Variants in DMD observed in about 807,000 individuals in gnomAD.
DMD encodes the protein mutant dystrophin.
A neutral mutation model predicts 330.1 loss-of-function variants in DMD; 63 were observed. That is an observed-to-expected ratio of 0.19 (90% confidence interval 0.16 to 0.24). DMD has a LOEUF of 0.24. Among genes scored for constraint, DMD ranks in the 10% least tolerant of loss-of-function variants. The probability of loss-of-function intolerance (pLI) is 1.00; values close to 1 mark genes in which losing one functional copy is unlikely to be tolerated. For synonymous variants in DMD, 1,223 were observed against 959.8 expected (o/e 1.27, Z -5.07); for missense variants, 3,344 against 2,684.1 (o/e 1.25, Z -5.43).
At chrX:32,236,976 TTTA>T (rs2097190161) in intron 43 of DMD, among the ~76,000 whole-genome samples, 1 of 111,949 alleles carries the variant, frequency 8.9e-6, no homozygotes, top group Non-Finnish European at 1.9e-5. Flanking sequence ...ACATAAATCC[TTTA>T]TTGTTTTAGT....
intron 41 of DMD, among the ~76,000 whole-genome samples, chrX:32,323,498 T>C (rs2097632173): frequency 1.8e-5 from 2 of 109,939 alleles, no homozygotes; most frequent in African/African-American, 6.7e-5. Context: ...AAAACAATAG[T>C]AGCCAGGAAA....
At chrX:31,868,246 T>G (rs1374364610) in intron 48 of DMD, among the ~76,000 whole-genome samples, 1 of 112,448 alleles carries the variant, frequency 8.9e-6, no homozygotes, top group African/African-American at 3.2e-5. Flanking sequence ...TTATGGCTTT[T>G]GTTTAAAATA....
intron 7 of DMD, among the ~76,000 whole-genome samples, chrX:32,748,558 G>C (rs756825431): frequency 1.8e-5 from 2 of 111,118 alleles, no homozygotes; most frequent in Admixed American, 9.6e-5. Flanking sequence ...ATTTTGAAAT[G>C]AGTCTTAGGG....
intron 2 of DMD, among the ~76,000 whole-genome samples, chrX:32,883,933 T>C (rs1220049318): frequency 9.2e-6 from 1 of 109,256 alleles, no homozygotes; most frequent in Non-Finnish European, 1.9e-5. Context: ...TAATGTTCTG[T>C]AGATGTTCTA....
intron 54 of DMD, among the ~76,000 whole-genome samples, chrX:31,646,880 T>C (rs1375919495): frequency 8.9e-6 from 1 of 112,303 alleles, no homozygotes; most frequent in Non-Finnish European, 1.9e-5. Context: ...ATCTTGCCTA[T>C]CTTACAACCT....
chrX:33,122,055 G>A (rs765241502), intron 1 of DMD, among the ~76,000 whole-genome samples: 8 of 111,333 alleles, frequency 7.2e-5, no homozygotes, highest in Non-Finnish European at 1.5e-4. Flanking sequence ...GTGAAACCCC[G>A]TCTCTCCTAA....
At position 31,525,495 on chromosome X, in the gene DMD, A is replaced by G. The variant is rs1030365225; in HGVS notation, c.8218-18042T>C. 3.6e-5 allele frequency among the ~76,000 whole-genome samples: 4 copies of G among 112,127 alleles called. No individual in the cohort carries two copies. The South Asian group carries it at 1.1e-3, about 31-fold the overall frequency. ...TATGAAATAACTCATGTGTTTTAAA[A>G]TATCATTAAATGTACGGAATTAAAC... On this transcript the variant is annotated intron_variant, in intron 55 of 78. Transcript: ENST00000357033.
intron 4 of DMD, among the ~76,000 whole-genome samples, chrX:32,828,622 C>CACATATATACATATGTATACATCTATAT (rs60876238): frequency 0.023 from 2,509 of 107,548 alleles, 108 homozygotes; most frequent in African/African-American, 0.083. Context: ...TACATCTATA[C>CACATATATACATATGTATACATCTATAT]ACATATATAC....
At chrX:31,478,061 T>C (rs1419769610) in intron 59 of DMD, 45 bp downstream of exon 59, 10 of 1,193,747 alleles carry the variant, frequency 8.4e-6, no homozygotes, top group South Asian at 1.8e-5. Context: ...TTAGAAGCTC[T>C]TTTGAGTCTC....
intron 1 of DMD, among the ~76,000 whole-genome samples, chrX:33,163,552 G>GTATATA (rs781153726): frequency 2.7e-4 from 25 of 90,999 alleles, no homozygotes; most frequent in South Asian, 1.0e-3. Context: ...ATATATGTGT[G>GTATATA]TATATATATA....
At chrX:33,267,372 A>G (rs1016946041) in intron 1 of DMD, among the ~76,000 whole-genome samples, 3 of 111,043 alleles carry the variant, frequency 2.7e-5, no homozygotes, top group African/African-American at 9.8e-5. Flanking sequence ...GATAAACGAA[A>G]AAGCATTCCA....
At chrX:32,686,134 G>A (rs187627987) in intron 9 of DMD, among the ~76,000 whole-genome samples, 13 of 111,729 alleles carry the variant, frequency 1.2e-4, no homozygotes, top group Non-Finnish European at 2.4e-4. Context: ...GATTAACCAA[G>A]CATTATTACA....
At chrX:31,622,861 TATATATATATATATATAC>T (rs1157866870) in intron 55 of DMD, among the ~76,000 whole-genome samples, 126 of 68,017 alleles carry the variant, frequency 1.9e-3, no homozygotes, top group African/African-American at 7.0e-3. Context: ...TATATATATA[TATATATATATATATATAC>T]ACACACACAC....
chrX:33,012,331 G>A (rs1194239270), intron 2 of DMD, among the ~76,000 whole-genome samples: 2 of 110,274 alleles, frequency 1.8e-5, no homozygotes, highest in African/African-American at 6.6e-5. Context: ...AAGTGTAGAT[G>A]TTAGGGAGTT....
At chrX:32,793,171 A>G (rs2075946709) in intron 7 of DMD, among the ~76,000 whole-genome samples, 1 of 112,309 alleles carries the variant, frequency 8.9e-6, no homozygotes, top group Non-Finnish European at 1.9e-5. Context: ...TGGAAATTGA[A>G]CAACATACTC....
At chrX:32,237,516 T>C (rs977506812) in intron 43 of DMD, among the ~76,000 whole-genome samples, 2 of 111,160 alleles carry the variant, frequency 1.8e-5, no homozygotes, top group East Asian at 5.6e-4. Context: ...TTCTCTGTTT[T>C]CCGGATCCTA....
At chrX:32,795,082 C>A (rs1000359517) in intron 7 of DMD, among the ~76,000 whole-genome samples, 32 of 111,900 alleles carry the variant, frequency 2.9e-4, no homozygotes, top group Non-Finnish European at 4.1e-4. Flanking sequence ...TCTTTCTACT[C>A]AAAGCATTCT....
intron 47 of DMD, among the ~76,000 whole-genome samples, chrX:31,877,989 T>C (rs1044405694): frequency 8.9e-6 from 1 of 111,745 alleles, no homozygotes; most frequent in African/African-American, 3.3e-5. Context: ...TTTTATCTGA[T>C]CATGAAATTG....
intron 1 of DMD, among the ~76,000 whole-genome samples, chrX:33,225,709 G>A (rs2052274031): frequency 9.0e-6 from 1 of 111,122 alleles, no homozygotes; most frequent in Non-Finnish European, 1.9e-5. Context: ...GACACAATTT[G>A]ATAAATTTGA....
Sources: gnomAD v4.1 joint callset for allele counts (sites outside exome capture counted in the v4.1 genomes callset) on GRCh38, gnomAD v4.1.1 for gene constraint, MANE v1.5 for transcripts, NCBI Gene and HGNC (gene_info 2026-07-23, HGNC 2026-07-21) for gene names.